The following TENT5D variants were observed in gnomAD, a reference collection of about 807,000 sequenced individuals.
TENT5D encodes terminal nucleotidyltransferase 5D.
For synonymous variants in TENT5D, 103 were observed against 100.6 expected, an observed-to-expected ratio of 1.02 and a Z score of -0.15; for missense variants, 191 against 287.0, an observed-to-expected ratio of 0.67 and a Z score of 2.42.
At chrX:80,377,269 G>A (rs1416816006) in intron 3 of TENT5D, among the ~76,000 whole-genome samples, 2 of 111,225 alleles carry the variant, frequency 1.8e-5, no homozygotes, top group African/African-American at 6.5e-5. Context: ...AAGTTCTAGG[G>A]TACATGTGCA....
intron 1 of TENT5D, among the ~76,000 whole-genome samples, chrX:80,425,378 A>G (rs6652947): frequency 8.9e-6 from 1 of 112,135 alleles, no homozygotes; most frequent in Non-Finnish European, 1.9e-5. Context: ...AAAAGATTAT[A>G]TTAGCTTTTT....
At chrX:80,416,130 G>C (rs1242971563), upstream of TENT5D, among the ~76,000 whole-genome samples, 2 of 108,891 alleles carry the variant, frequency 1.8e-5, no homozygotes, top group Admixed American at 9.8e-5. Context: ...TTGGGTCAGT[G>C]GTAATGTCCC....
At chrX:80,422,692 T>G (rs1269187547) in intron 1 of TENT5D, among the ~76,000 whole-genome samples, 3 of 110,124 alleles carry the variant, frequency 2.7e-5, no homozygotes, top group African/African-American at 6.6e-5. Flanking sequence ...GTTTTTTGGG[T>G]TTTTTTTGTT....
At chrX:80,422,556 C>T (rs914258400) in intron 1 of TENT5D, among the ~76,000 whole-genome samples, 2 of 111,616 alleles carry the variant, frequency 1.8e-5, no homozygotes, top group Non-Finnish European at 3.8e-5. Context: ...CTGAGCCTCA[C>T]GCTAACACCA....
chrX:80,400,589 T>C (rs1035309626), intron 3 of TENT5D, among the ~76,000 whole-genome samples: 31 of 112,285 alleles, frequency 2.8e-4, no homozygotes, highest in African/African-American at 9.1e-4. Context: ...ATACCCTATA[T>C]GCAACTGAAA....
At chrX:80,435,341 A>G (rs1352363814) in intron 1 of TENT5D, among the ~76,000 whole-genome samples, 2 of 112,091 alleles carry the variant, frequency 1.8e-5, no homozygotes, top group Non-Finnish European at 3.8e-5. Flanking sequence ...ACACATCTAG[A>G]TTACAATTCC....
In TENT5D at chrX:80,388,697, T is replaced by C. The variant is rs150952817; in HGVS notation, c.-142+46133T>C. On this transcript the variant is annotated intron_variant, in intron 3 of 4. Coordinates refer to the TENT5D transcript ENST00000538312. ...TCTCTCCAAGAATTGCTAGTTATAC[T>C]GCCTGCGGTTGGTAGAGAGGTGGTG... Among the ~76,000 whole-genome samples the C allele has an allele frequency of 7.5e-3, 834 of 111,857 alleles. 6 individuals carry two copies. Among genetic ancestry groups the C allele is most frequent in the African/African-American group, 0.026 (793 of 30,827 alleles).
At chrX:80,347,079 G>C (rs1930079126) in intron 3 of TENT5D, among the ~76,000 whole-genome samples, 1 of 111,653 alleles carries the variant, frequency 9.0e-6, no homozygotes, top group South Asian at 3.8e-4. Flanking sequence ...GTATATCATT[G>C]ATGGGCATTT....
chrX:80,366,804 A>G, intron 3 of TENT5D, among the ~76,000 whole-genome samples: 1 of 111,538 alleles, frequency 9.0e-6, no homozygotes, highest in South Asian at 3.7e-4. Context: ...CAGATTAAAG[A>G]GCAGTTATGT....
intron 1 of TENT5D, among the ~76,000 whole-genome samples, chrX:80,430,618 G>T (rs1932070344): frequency 8.9e-6 from 1 of 111,929 alleles, no homozygotes; most frequent in Non-Finnish European, 1.9e-5. Context: ...AAAAGATTTA[G>T]TTGTTGGATA....
chrX:80,349,589 A>T (rs999458732), intron 3 of TENT5D, among the ~76,000 whole-genome samples: 3 of 107,282 alleles, frequency 2.8e-5, no homozygotes, highest in Middle Eastern at 4.3e-3. Context: ...TTAATCTTTT[A>T]AAAAAAAACA....
chrX:80,349,496 A>G (rs767205182), intron 3 of TENT5D, among the ~76,000 whole-genome samples: 6 of 111,014 alleles, frequency 5.4e-5, no homozygotes, highest in African/African-American at 1.3e-4. Flanking sequence ...TGTGGGATCA[A>G]TGGTGTTTCC....
intron 3 of TENT5D, among the ~76,000 whole-genome samples, chrX:80,367,678 C>T (rs994663964): frequency 2.7e-5 from 3 of 111,551 alleles, no homozygotes; most frequent in Non-Finnish European, 3.8e-5. Flanking sequence ...GAATGAGATC[C>T]TGTCATTGAA....
intron 3 of TENT5D, among the ~76,000 whole-genome samples, chrX:80,387,850 A>G (rs1344881467): frequency 9.0e-6 from 1 of 111,633 alleles, no homozygotes; most frequent in Non-Finnish European, 1.9e-5. Context: ...CATATTCCCC[A>G]GGCAGGTCCA....
At chrX:80,386,225 A>G (rs1326526179) in intron 3 of TENT5D, among the ~76,000 whole-genome samples, 1 of 112,282 alleles carries the variant, frequency 8.9e-6, no homozygotes, top group Non-Finnish European at 1.9e-5. Context: ...CATATACACC[A>G]TGGAATACTA....
At chrX:80,423,858 A>G (rs1931935974) in intron 1 of TENT5D, among the ~76,000 whole-genome samples, 1 of 111,337 alleles carries the variant, frequency 9.0e-6, no homozygotes, top group African/African-American at 3.3e-5. Context: ...CCGTGGCTGC[A>G]GGCATGTCTT....
At chrX:80,364,582 A>T (rs1170355883) in intron 3 of TENT5D, among the ~76,000 whole-genome samples, 2 of 110,806 alleles carry the variant, frequency 1.8e-5, no homozygotes, top group Non-Finnish European at 3.8e-5. Context: ...GCATAGGGTT[A>T]AAAGTGAGTG....
At chrX:80,406,545 A>T (rs1466955998) in intron 3 of TENT5D, among the ~76,000 whole-genome samples, 1 of 96,923 alleles carries the variant, frequency 1.0e-5, no homozygotes, top group African/African-American at 3.8e-5. Flanking sequence ...AGGGAAGTTT[A>T]GAGAAAAAAG....
intron 3 of TENT5D, among the ~76,000 whole-genome samples, chrX:80,354,690 C>G (rs975687408): frequency 8.9e-6 from 1 of 112,048 alleles, no homozygotes; most frequent in Admixed American, 9.5e-5. Context: ...TCATCCATTT[C>G]AGTCTGGTTA....
Sources: allele counts gnomAD v4.1 joint callset (sites outside exome capture counted in the v4.1 genomes callset), GRCh38; gene constraint gnomAD v4.1.1; transcripts MANE v1.5; gene names NCBI Gene and HGNC (gene_info 2026-07-23, HGNC 2026-07-21).